SMG5: variants seen among roughly 807,000 people sequenced by gnomAD.
SMG5 encodes the protein SMG5 nonsense mediated mRNA decay factor, also known as nonsense-mediated mRNA decay factor SMG5.
SMG5 carries 53 observed loss-of-function variants against 122.9 expected under a neutral mutation model. The ratio of observed to expected loss-of-function variants is 0.43; its 90% CI spans 0.35 to 0.54. The LOEUF (loss-of-function observed/expected upper bound fraction) is 0.54. Ranked by LOEUF, SMG5 falls within the 20% of genes least tolerant of loss-of-function variation. The pLI is 0.01. For synonymous variants in SMG5, 477 were observed against 490.2 expected, an observed-to-expected ratio of 0.97 and a Z score of 0.35; for missense variants, 1,153 against 1,285.6, an observed-to-expected ratio of 0.90 and a Z score of 1.58.
In SMG5 at chr1:156,250,480, G is replaced by A. The variant is rs543276849; in HGVS notation, c.*107C>T. 9.2e-6 allele frequency: 9 copies of A among 978,036 alleles called. No individual in the cohort carries two copies. Among genetic ancestry groups the A allele is most frequent in the South Asian group, 2.8e-5 (2 of 72,478 alleles). The allele number at this position is 978,036 out of a possible 1,614,324, so 60.6% of individuals were successfully genotyped here. On this transcript the variant is annotated 3_prime_UTR_variant, in exon 22 of 22. Transcript: ENST00000361813. Reference sequence around the variant, plus strand: ...GCAGCTAGGCCTCCCTCCTGTGTGCGTGCATGAGTCTGCGTGTGGTGGGGT... The same window carrying A: ...GCAGCTAGGCCTCCCTCCTGTGTGCATGCATGAGTCTGCGTGTGGTGGGGT...
chr1:156,285,236 C>G, upstream of SMG5: 1 of 1,533,916 alleles, frequency 6.5e-7, no homozygotes. Flanking sequence ...GATGACAGAA[C>G]AGGAGACCCT....
At chr1:156,274,347 G>A (rs2101559784) in intron 5 of SMG5, among the ~76,000 whole-genome samples, 2 of 152,296 alleles carry the variant, frequency 1.3e-5, no homozygotes, top group African/African-American at 2.4e-5. Context: ...ACTACTGAAA[G>A]AGAATTATTA....
intron 7 of SMG5, among the ~76,000 whole-genome samples, chr1:156,271,573 T>G (rs1429049386): frequency 7.0e-5 from 10 of 142,016 alleles, no homozygotes; most frequent in African/African-American, 2.6e-4. Flanking sequence ...GAGGTTTTTT[T>G]TTTTTTTTTT....
In SMG5 at chr1:156,253,014, T is replaced by C. The variant is rs781516165; in HGVS notation, c.2567A>G (p.Tyr856Cys). Reference sequence around the variant, plus strand: ...GAGGGCCTGGGTGTCAGGGACGAGGTAGGGAGACATGGCTGACTGGGCCTT... The same window carrying C: ...GAGGGCCTGGGTGTCAGGGACGAGGCAGGGAGACATGGCTGACTGGGCCTT... Reference protein sequence around the residue: ...QPKAQSAMSPYLVPDTQALCH... With the variant: ...QPKAQSAMSPCLVPDTQALCH... The change falls in exon 18 of 22, where the codon TAC becomes TGC. Residue 856 changes from tyrosine (Y) to cysteine (C), a missense_variant. Transcript: ENST00000361813. 1.1e-5 allele frequency: 17 copies of C among 1,612,938 alleles called. No individual in the cohort carries two copies. Among genetic ancestry groups the C allele is most frequent in the Non-Finnish European group, 1.4e-5 (17 of 1,179,736 alleles).
At chr1:156,281,605 G>T (rs1662945221) in intron 1 of SMG5, among the ~76,000 whole-genome samples, 1 of 152,212 alleles carries the variant, frequency 6.6e-6, no homozygotes, top group Non-Finnish European at 1.5e-5. Context: ...ACATGCTCTT[G>T]ACTCTTTCAC....
At chr1:156,285,929 C>T (rs778731444), upstream of SMG5, 12 of 1,533,966 alleles carry the variant, frequency 7.8e-6, no homozygotes, top group East Asian at 9.9e-5. Flanking sequence ...CATGAGTTCC[C>T]GCCTGATCTA....
intron 12 of SMG5, 110 bp from the exon 13 acceptor site, chr1:156,263,680 C>CA: frequency 8.1e-7 from 1 of 1,234,370 alleles, no homozygotes; most frequent in Non-Finnish European, 1.1e-6. Flanking sequence ...TGGGCCCTTC[C>CA]AAGGAATTTG....
rs750183226 is a variant in SMG5, at chr1:156,253,502, C to T, written c.2449G>A (p.Glu817Lys). ...QAQAQFRMAQ[E>K]EARRNRLMRD... Reference sequence around the variant, plus strand: ...ATGAGCCTGTTCCGACGAGCTTCCTCCTGTGCCTATGAGGGAAAAAATGAG... The same window carrying T: ...ATGAGCCTGTTCCGACGAGCTTCCTTCTGTGCCTATGAGGGAAAAAATGAG... The change falls in exon 17 of 22, where the codon GAG becomes AAG. Residue 817 changes from glutamate (E) to lysine (K), a missense_variant. Glu to Lys is a moderately conservative substitution (Grantham distance 56). This residue lies in a region of SMG5 where 140 missense variants were observed against 227.8 expected (regional missense o/e 0.61). Transcript: ENST00000361813. The T allele has an allele frequency of 1.2e-5, 20 of 1,614,084 alleles. No individual in the cohort carries two copies. The South Asian group carries it at 2.0e-4, about 16-fold the overall frequency.
At position 156,279,026 on chromosome 1, in the gene SMG5, A is replaced by C; in HGVS notation, c.83T>G (p.Val28Gly). The change falls in exon 2 of 22, where the codon GTG becomes GGG. Residue 28 changes from valine (V) to glycine (G), a missense_variant. Val to Gly is a moderately radical substitution (Grantham distance 109). Coordinates refer to ENST00000361813, the MANE Select transcript of SMG5 (RefSeq NM_015327.3). ...LHTKRLYRAV[V>G]EAVHRLDLIL... ...GAGGTCAAGTCGATGCACAGCCTCC[A>C]CCACAGCCCTGTAGGGAAATACAGG... 6.2e-7 allele frequency: 1 copy of C among 1,614,110 alleles called. No individual in the cohort carries two copies. The highest frequency in any genetic ancestry group is 8.5e-7 in the Non-Finnish European group (1 of 1,179,966).
In SMG5 at chr1:156,249,625, A is replaced by G. The variant is rs1661220058; in HGVS notation, c.*962T>C. 2.5e-6 allele frequency: 1 copy of G among 403,310 alleles called. No homozygotes were observed. Among genetic ancestry groups the G allele is most frequent in the Non-Finnish European group, 5.1e-6 (1 of 196,246 alleles). 25.0% of individuals were successfully genotyped at this position (403,310 alleles called of 1,614,324 possible). A position where few individuals can be genotyped will look rare whatever the true frequency, so the allele number is the denominator to read the frequency against. On this transcript the variant is annotated 3_prime_UTR_variant, in exon 22 of 22. Coordinates refer to ENST00000361813, the MANE Select transcript of SMG5 (RefSeq NM_015327.3). The stretch of plus-strand genomic sequence containing the variant: ...CTTCAGTCCTGCGGAAGGCAAAAGG[A>G]GGGACGGGGGCCTCTGACTGAGCAG...
chr1:156,258,656 C>T (rs1661681058), intron 16 of SMG5, among the ~76,000 whole-genome samples: 1 of 152,126 alleles, frequency 6.6e-6, no homozygotes, highest in East Asian at 1.9e-4. Context: ...ATTAGCTGGG[C>T]GTGGTGGCGT....
chr1:156,279,094 G>T, intron 1 of SMG5, 60 bp from the exon 2 acceptor site: 2 of 1,378,308 alleles, frequency 1.5e-6, no homozygotes, highest in Non-Finnish European at 2.1e-6. Flanking sequence ...AGAGGATGAC[G>T]CTGGGACACG....
chr1:156,270,881 T>C (rs1662380354), intron 7 of SMG5, among the ~76,000 whole-genome samples: 1 of 151,852 alleles, frequency 6.6e-6, no homozygotes, highest in African/African-American at 2.4e-5. Flanking sequence ...GTGGTGCATG[T>C]CTGTAATCCT....
chr1:156,251,538 A>G, intron 19 of SMG5, 61 bp from the exon 20 acceptor site: 1 of 1,567,250 alleles, frequency 6.4e-7, no homozygotes, highest in Non-Finnish European at 8.8e-7. Context: ...GCCTTACACA[A>G]AGCAGTCTGT....
At chr1:156,253,323 G>C in intron 17 of SMG5, 126 bp downstream of exon 17, 1 of 1,044,412 alleles carries the variant, frequency 9.6e-7, no homozygotes, top group Non-Finnish European at 1.5e-6. Flanking sequence ...GGGTCATCTG[G>C]GAGAGGCGGA....
intron 10 of SMG5, among the ~76,000 whole-genome samples, chr1:156,266,911 G>A (rs958186576): frequency 2.0e-5 from 3 of 152,014 alleles, no homozygotes; most frequent in Admixed American, 2.0e-4. Context: ...AAAGTGCTGG[G>A]ATTACAGGCG....
chr1:156,268,123 G>C lies in SMG5; in HGVS notation c.900C>G (p.Pro300=). The change falls in exon 9 of 22, where the codon CCC becomes CCG. Residue 300 remains proline (P), a synonymous_variant. Coordinates refer to ENST00000361813, the MANE Select transcript of SMG5 (RefSeq NM_015327.3). ...NFMYLQSLLQ[P]KSSSVDSELT... ...TGCTCTCTTCCACTCACCTGCTTTTGGGCTGTAGGAGGCTTTGCAGATACA... is the reference window on the plus strand; with the variant it reads ...TGCTCTCTTCCACTCACCTGCTTTTCGGCTGTAGGAGGCTTTGCAGATACA... 6.2e-7 allele frequency: 1 copy of C among 1,614,066 alleles called. No individual in the cohort carries two copies. Among genetic ancestry groups the C allele is most frequent in the East Asian group, 2.2e-5 (1 of 44,884 alleles).
At position 156,250,427 on chromosome 1, in the gene SMG5, G is replaced by A; in HGVS notation, c.*160C>T. The A allele has an allele frequency of 1.5e-6, 1 of 687,170 alleles. No homozygotes were observed. Among genetic ancestry groups the A allele is most frequent in the South Asian group, 1.8e-5 (1 of 56,322 alleles). 42.6% of individuals were successfully genotyped at this position (687,170 alleles called of 1,614,324 possible). On this transcript the variant is annotated 3_prime_UTR_variant, in exon 22 of 22. Coordinates refer to ENST00000361813, the MANE Select transcript of SMG5 (RefSeq NM_015327.3). ...CAAAGGGACCCCACCCTCCCAGCCG[G>A]CTCCTGGGCCCTCCCTGCAGCCTCT...
intron 16 of SMG5, among the ~76,000 whole-genome samples, chr1:156,254,128 G>T (rs1178485356): frequency 4.6e-5 from 7 of 152,042 alleles, no homozygotes; most frequent in Non-Finnish European, 1.0e-4. Flanking sequence ...CCTGTCAATT[G>T]TGCCCCCCTA....
Sources: allele counts gnomAD v4.1 joint callset (sites outside exome capture counted in the v4.1 genomes callset), GRCh38; gene constraint gnomAD v4.1.1; regional missense constraint gnomAD v4.1.1; transcripts MANE v1.5; gene names NCBI Gene and HGNC (gene_info 2026-07-23, HGNC 2026-07-21).